INSL6: variants seen among roughly 807,000 people sequenced by gnomAD.
The protein encoded by INSL6 is insulin like 6.
In INSL6, 16 loss-of-function variants were observed where a neutral mutation model predicts 9.4. That is an observed-to-expected ratio of 1.70 (90% CI 1.15 to 2.59). The LOEUF (loss-of-function observed/expected upper bound fraction) is 2.59, where lower values mean the gene tolerates loss of function less well. Ranked by LOEUF, INSL6 falls within the 30% of genes most tolerant of loss-of-function variation. INSL6 has a pLI of 0.00. For synonymous variants in INSL6, 154 were observed against 96.9 expected, an observed-to-expected ratio of 1.59 and a Z score of -3.46; for missense variants, 391 against 257.3, an observed-to-expected ratio of 1.52 and a Z score of -3.56.
chr9:5,165,645 G>A (rs1825034805), intron 1 of INSL6, among the ~76,000 whole-genome samples: 3 of 152,268 alleles, frequency 2.0e-5, no homozygotes, highest in Admixed American at 2.0e-4. Context: ...CAACTGAGCA[G>A]TAGAAACCAT....
chr9:5,049,800 C>T, the INSL6 span, among the ~76,000 whole-genome samples: 1 of 152,150 alleles, frequency 6.6e-6, no homozygotes, highest in South Asian at 2.1e-4. Flanking sequence ...CTAGTATATG[C>T]CTAGTCTGTA....
intron 2 of INSL6, among the ~76,000 whole-genome samples, chr9:5,135,546 C>T (rs1824373809): frequency 6.6e-6 from 1 of 152,098 alleles, no homozygotes; most frequent in Admixed American, 6.5e-5. Flanking sequence ...AAAATGAAGG[C>T]AGATATAAAG....
chr9:5,021,586 A>C, the INSL6 span, among the ~76,000 whole-genome samples: 1 of 152,202 alleles, frequency 6.6e-6, no homozygotes. Context: ...TTGTGTATGA[A>C]GGGTGCCTTA....
At chr9:5,123,390 A>G (rs1003426554), downstream of INSL6, among the ~76,000 whole-genome samples, 1 of 152,012 alleles carries the variant, frequency 6.6e-6, no homozygotes, top group South Asian at 2.1e-4. Flanking sequence ...GCTCCCGCTT[A>G]TAAGTGAAAA....
intron 1 of INSL6, among the ~76,000 whole-genome samples, chr9:5,182,942 A>AT (rs1307577715): frequency 1.3e-5 from 2 of 152,184 alleles, no homozygotes; most frequent in East Asian, 3.8e-4. Context: ...GAAAAAAAGC[A>AT]TTTTTTAATA....
At chr9:5,073,864 C>A in the INSL6 span, 1 of 893,564 alleles carries the variant, frequency 1.1e-6, no homozygotes, top group Non-Finnish European at 1.8e-6. Flanking sequence ...GTTTCAGGAT[C>A]ACAGCTAGGT....
chr9:5,112,273 C>G, the INSL6 span: 7 of 262,242 alleles, frequency 2.7e-5, no homozygotes, highest in South Asian at 2.8e-4. Context: ...CTGCGGGCAG[C>G]GCCAGCCTCA....
At chr9:5,120,105 G>C (rs930464594), downstream of INSL6, among the ~76,000 whole-genome samples, 7 of 152,220 alleles carry the variant, frequency 4.6e-5, no homozygotes, top group Admixed American at 3.9e-4. Flanking sequence ...GGCAGGTTCA[G>C]GCGTCTGGTG....
chr9:5,092,080 AG>A, the INSL6 span, among the ~76,000 whole-genome samples: 1 of 152,156 alleles, frequency 6.6e-6, no homozygotes, highest in Admixed American at 6.6e-5. Flanking sequence ...GTCCTATTAC[AG>A]CACCTAAGGT....
intron 2 of INSL6, among the ~76,000 whole-genome samples, chr9:5,145,913 A>C (rs752640924): frequency 1.6e-4 from 25 of 152,104 alleles, no homozygotes; most frequent in Non-Finnish European, 3.2e-4. Flanking sequence ...AGTGAACTTC[A>C]TTCCTATCCA....
chr9:5,090,613 G>A, the INSL6 span: 2 of 1,547,890 alleles, frequency 1.3e-6, no homozygotes, highest in South Asian at 1.3e-5. Flanking sequence ...AAGCAACCGT[G>A]TTGAAGTAGA....
At chr9:5,092,492 A>G in the INSL6 span, among the ~76,000 whole-genome samples, 1 of 152,252 alleles carries the variant, frequency 6.6e-6, no homozygotes, top group East Asian at 1.9e-4. Context: ...CCTAGCCCCA[A>G]ACCTCACTAA....
chr9:5,119,069 TATC>T (rs1395291708), downstream of INSL6, among the ~76,000 whole-genome samples: 3 of 152,174 alleles, frequency 2.0e-5, no homozygotes, highest in Admixed American at 6.5e-5. Flanking sequence ...TAACATATTT[TATC>T]ATGTTTTAAA....
At chr9:5,010,321 G>T in the INSL6 span, among the ~76,000 whole-genome samples, 1 of 151,006 alleles carries the variant, frequency 6.6e-6, no homozygotes, top group Non-Finnish European at 1.5e-5. Flanking sequence ...TTAAACAATT[G>T]TCAGTTGTCT....
chr9:5,122,376 GTTCT>G (rs1823684519), downstream of INSL6, among the ~76,000 whole-genome samples: 1 of 151,974 alleles, frequency 6.6e-6, no homozygotes. Context: ...TGGTTAACAG[GTTCT>G]TTCTTTTATA....
chr9:5,046,077 G>A, the INSL6 span, among the ~76,000 whole-genome samples: 2 of 152,108 alleles, frequency 1.3e-5, no homozygotes, highest in African/African-American at 2.4e-5. Flanking sequence ...CCATCTCTAT[G>A]GGTTTGAGGT....
chr9:5,057,725 G>T, the INSL6 span, among the ~76,000 whole-genome samples: 1 of 151,808 alleles, frequency 6.6e-6, no homozygotes, highest in East Asian at 1.9e-4. Flanking sequence ...GGGATTACAG[G>T]TGCACGCCAC....
At chr9:4,993,852 G>A in the INSL6 span, among the ~76,000 whole-genome samples, 4 of 152,194 alleles carry the variant, frequency 2.6e-5, no homozygotes, top group Admixed American at 6.5e-5. Flanking sequence ...TTCTCCCCAC[G>A]TCTGTGTGGG....
intron 3 of INSL6, among the ~76,000 whole-genome samples, chr9:5,125,133 C>G (rs772176162): frequency 6.6e-6 from 1 of 151,100 alleles, no homozygotes; most frequent in Non-Finnish European, 1.5e-5. Context: ...ATCTCTAATG[C>G]AATTACTCAG....
Sources: allele counts gnomAD v4.1 joint callset (sites outside exome capture counted in the v4.1 genomes callset), GRCh38; gene constraint gnomAD v4.1.1; transcripts MANE v1.5; gene names NCBI Gene and HGNC (gene_info 2026-07-23, HGNC 2026-07-21).